The following SLF1 variants were observed in gnomAD, a reference collection of about 807,000 sequenced individuals.
SLF1 encodes SMC5/6 complex localization factor 1.
A neutral mutation model predicts 123.0 loss-of-function variants in SLF1; 105 were observed. The ratio of observed to expected loss-of-function variants is 0.85; its 90% CI spans 0.73 to 1.00. SLF1 has a LOEUF of 1.00. SLF1 is among the 50% of genes least tolerant of loss of function. The pLI, the probability that SLF1 is intolerant of heterozygous loss-of-function variation, is 0.00. For synonymous variants in SLF1, 434 were observed against 406.6 expected (o/e 1.07, Z -0.81); for missense variants, 1,239 against 1,223.0 (o/e 1.01, Z -0.20).
At chr5:94,667,423 A>C (rs550033988) in intron 12 of SLF1, among the ~76,000 whole-genome samples, 2 of 152,238 alleles carry the variant, frequency 1.3e-5, no homozygotes, top group Non-Finnish European at 2.9e-5. Context: ...TTCTTATATA[A>C]ACTATTGCAG....
At chr5:94,619,365 A>G (rs1244422427) in intron 1 of SLF1, among the ~76,000 whole-genome samples, 3 of 151,964 alleles carry the variant, frequency 2.0e-5, no homozygotes, top group African/African-American at 7.3e-5. Context: ...ACATACACAC[A>G]TACACTTTTC....
At chr5:94,658,782 A>G (rs1748728189) in intron 9 of SLF1, among the ~76,000 whole-genome samples, 1 of 151,702 alleles carries the variant, frequency 6.6e-6, no homozygotes, top group South Asian at 2.1e-4. Context: ...ATATTTCATT[A>G]CTTTATGCCT....
At chr5:94,618,412 T>A (rs2152457345), upstream of SLF1, 1 of 152,516 alleles carries the variant, frequency 6.6e-6, no homozygotes, top group East Asian at 1.9e-4. Flanking sequence ...CCTCGCCCAC[T>A]CACTTCTCGG....
intron 4 of SLF1, among the ~76,000 whole-genome samples, chr5:94,641,996 G>A (rs890022579): frequency 1.3e-5 from 2 of 151,904 alleles, no homozygotes; most frequent in Admixed American, 6.6e-5. Context: ...TCCCTCATCC[G>A]GAAACAGTGG....
intron 15 of SLF1, among the ~76,000 whole-genome samples, chr5:94,681,867 T>C (rs1043869025): frequency 6.6e-6 from 1 of 152,170 alleles, no homozygotes; most frequent in African/African-American, 2.4e-5. Flanking sequence ...GAGACAGAAA[T>C]CCAGTGAACA....
At chr5:94,627,583 A>AACAT in intron 1 of SLF1, among the ~76,000 whole-genome samples, 1 of 62,830 alleles carries the variant, frequency 1.6e-5, no homozygotes, top group African/African-American at 7.6e-5. Context: ...TGATGAAATT[A>AACAT]ACATATATAT....
intron 4 of SLF1, 116 bp downstream of exon 4, chr5:94,630,859 T>C: frequency 8.9e-7 from 1 of 1,124,284 alleles, no homozygotes; most frequent in Admixed American, 2.7e-5. Context: ...GGTGATTTAC[T>C]CCAATCTCCT....
intron 4 of SLF1, among the ~76,000 whole-genome samples, chr5:94,641,001 T>A (rs982085725): frequency 6.6e-6 from 1 of 152,222 alleles, no homozygotes; most frequent in Admixed American, 6.5e-5. Context: ...CTATTTTGTA[T>A]GTTGTGTATT....
rs536358015 is a variant in SLF1 at position 94,654,343 on chromosome 5, G to A, written c.1033-287G>A. ...CAATTTGGAACAGGATAAATGAAAAGTGCCTTAAGAAAGTACATATGTTGG... is the reference window on the plus strand; with the variant it reads ...CAATTTGGAACAGGATAAATGAAAAATGCCTTAAGAAAGTACATATGTTGG... On this transcript the variant is annotated intron_variant, in intron 8 of 20. Coordinates refer to ENST00000265140, the MANE Select transcript of SLF1 (RefSeq NM_032290.4). Among the ~76,000 whole-genome samples the A allele has an allele frequency of 6.7e-5, 10 of 149,544 alleles. No individual in the cohort carries two copies. The South Asian group carries it at 1.9e-3, about 28-fold the overall frequency.
In SLF1 at chr5:94,687,838, G is replaced by A. The variant is rs1752611902; in HGVS notation, c.2122-668G>A. Among the ~76,000 whole-genome samples, 3 of 151,880 alleles carry A rather than the reference G, an allele frequency of 2.0e-5. No homozygotes were observed. The East Asian group carries it at 5.8e-4, about 29-fold the overall frequency. On this transcript the variant is annotated intron_variant, in intron 16 of 20. Coordinates refer to ENST00000265140, the MANE Select transcript of SLF1 (RefSeq NM_032290.4). ...AAATTCCTACATAGGTTATTATTTT[G>A]GAAAGAACTAGATCCAACAAAATTC...
chr5:94,638,179 TTTTTA>T (rs763036688), intron 4 of SLF1, among the ~76,000 whole-genome samples: 36 of 151,858 alleles, frequency 2.4e-4, no homozygotes, highest in Middle Eastern at 6.8e-3. Context: ...TTCTTCTTAT[TTTTTA>T]TTTTATTTTT....
chr5:94,695,086 C>G lies in SLF1; in HGVS notation c.2951C>G (p.Thr984Ser). 6.2e-7 allele frequency: 1 copy of G among 1,612,630 alleles called. No individual in the cohort carries two copies. Among genetic ancestry groups the G allele is most frequent in the Non-Finnish European group, 8.5e-7 (1 of 1,179,148 alleles). Reference protein sequence around the residue: ...SEFILASKGLTHLNELLMACK... With the variant: ...SEFILASKGLSHLNELLMACK... ...TTCATTTTAGCTTCCAAAGGGTTAA[C>G]TCATCTAAATGAACTGCTTATGGCT... The change falls in exon 21 of 21, where the codon ACT becomes AGT. Residue 984 changes from threonine to serine, a missense_variant. Transcript: ENST00000265140.
chr5:94,660,193 T>G (rs2152483688), intron 9 of SLF1, among the ~76,000 whole-genome samples: 1 of 152,152 alleles, frequency 6.6e-6, no homozygotes, highest in Admixed American at 6.5e-5. Flanking sequence ...GGTGAATGGG[T>G]GGGTTGATCC....
At chr5:94,619,500 A>G (rs1458823322) in intron 1 of SLF1, among the ~76,000 whole-genome samples, 1 of 152,210 alleles carries the variant, frequency 6.6e-6, no homozygotes, top group East Asian at 1.9e-4. Flanking sequence ...TTGACAAAAA[A>G]AAAATTGGTC....
At position 94,665,920 on chromosome 5, in the gene SLF1, G is replaced by A. The variant is rs1749702212; in HGVS notation, c.1428G>A (p.Leu476=). ...YFHILSALLH[L]HPPWKSPAMS... Reference sequence around the variant, plus strand: ...ATATATTGTCAGCTCTTCTTCACCTGCATCCTCCTTGGAAGTCTCCAGCCA... The same window carrying A: ...ATATATTGTCAGCTCTTCTTCACCTACATCCTCCTTGGAAGTCTCCAGCCA... The change falls in exon 12 of 21, where the codon CTG becomes CTA. Residue 476 remains leucine (L), a synonymous_variant. Coordinates refer to ENST00000265140, the MANE Select transcript of SLF1 (RefSeq NM_032290.4). 1.9e-6 allele frequency: 3 copies of A among 1,550,460 alleles called. No homozygotes were observed. The highest frequency in any genetic ancestry group is 2.6e-6 in the Non-Finnish European group (3 of 1,146,000).
chr5:94,661,635 A>T (rs1305027439), intron 9 of SLF1, among the ~76,000 whole-genome samples: 1 of 151,850 alleles, frequency 6.6e-6, no homozygotes, highest in East Asian at 1.9e-4. Context: ...CCCAGGTTCA[A>T]GCAATTCTCC....
rs185978939 is a variant in SLF1, at chr5:94,680,841, A to G, written c.1975+1886A>G. 6.6e-5 allele frequency among the ~76,000 whole-genome samples: 10 copies of G among 152,284 alleles called. No homozygotes were observed. In the East Asian group the frequency reaches 1.9e-3, roughly 29 times the overall value. ...TTTCAGTTTTCACATGACATGTGTA[A>G]AACCTAGAACTTTGATTCTGTGAGT... On this transcript the variant is annotated intron_variant, in intron 15 of 20. Transcript: ENST00000265140.
chr5:94,627,573 T>TTAACATATATATATATA (rs1718147133), intron 1 of SLF1, among the ~76,000 whole-genome samples: 1 of 126,320 alleles, frequency 7.9e-6, no homozygotes, highest in African/African-American at 3.0e-5. Context: ...ACCTTGTAAA[T>TTAACATATATATATATA]GATGAAATTA....
chr5:94,692,611 A>G (rs934668336), intron 20 of SLF1, among the ~76,000 whole-genome samples: 6 of 152,264 alleles, frequency 3.9e-5, no homozygotes, highest in Non-Finnish European at 5.9e-5. Flanking sequence ...ATAAATGGAT[A>G]TAAATGTTCA....
Sources: allele counts gnomAD v4.1 joint callset (sites outside exome capture counted in the v4.1 genomes callset), GRCh38; gene constraint gnomAD v4.1.1; transcripts MANE v1.5; gene names NCBI Gene and HGNC (gene_info 2026-07-23, HGNC 2026-07-21).